The following FBXL16 variants were observed in gnomAD, a reference collection of about 807,000 sequenced individuals.
The protein encoded by FBXL16 is F-box/LRR-repeat protein 16.
A neutral mutation model predicts 36.7 loss-of-function variants in FBXL16; 7 were observed. The ratio of observed to expected loss-of-function variants is 0.19; its 90% CI spans 0.11 to 0.36. FBXL16 has a LOEUF of 0.36. Among genes scored for constraint, FBXL16 ranks in the 10% least tolerant of loss-of-function variants. FBXL16 has a pLI of 1.00. For missense variants in FBXL16, 463 were observed against 659.4 expected, an observed-to-expected ratio of 0.70 and a Z score of 3.26; for synonymous variants, 355 against 308.7, an observed-to-expected ratio of 1.15 and a Z score of -1.57.
chr16:694,445 G>C, intron 5 of FBXL16, 22 bp from the exon 6 acceptor site: 1 of 1,532,796 alleles, frequency 6.5e-7, no homozygotes, highest in South Asian at 1.2e-5. Flanking sequence ...TCAGAGGGCG[G>C]CTCAGTGCGC....
At chr16:704,562 C>T (rs1248099513) in intron 1 of FBXL16, among the ~76,000 whole-genome samples, 1 of 152,240 alleles carries the variant, frequency 6.6e-6, no homozygotes, top group African/African-American at 2.4e-5. Context: ...AGACAGAAAA[C>T]CCTTCAGTCT....
rs1163669525 is a variant in FBXL16, at chr16:694,223, G to GC, written c.*51dup. The stretch of plus-strand genomic sequence containing the variant: ...AAGAGGGGGCTCGGCGGCGCCCCGC[G>GC]CCCCCGCCCAGGTCATGGCCGGGTT... On this transcript the variant is annotated 3_prime_UTR_variant, in exon 6 of 6. Transcript: ENST00000397621. 2 of 1,225,182 alleles carry GC rather than the reference G, an allele frequency of 1.6e-6. No homozygotes were observed. The highest frequency in any genetic ancestry group is 1.6e-5 in the African/African-American group (1 of 63,362). 75.9% of individuals were successfully genotyped at this position (1,225,182 alleles called of 1,614,324 possible).
intron 2 of FBXL16, 30 bp from the exon 3 acceptor site, chr16:695,953 T>G (rs754535777): frequency 8.4e-6 from 13 of 1,553,882 alleles, no homozygotes; most frequent in Non-Finnish European, 1.1e-5. Flanking sequence ...GGGTCAGGAT[T>G]GCAGGAGAAG....
At chr16:694,896 C>A (rs1024406248) in intron 4 of FBXL16, 96 bp downstream of exon 4, 91 of 1,367,116 alleles carry the variant, frequency 6.7e-5, no homozygotes, top group Non-Finnish European at 8.1e-5. Context: ...TAGGGAGGGG[C>A]CCCAGACTCT....
intron 1 of FBXL16, among the ~76,000 whole-genome samples, chr16:700,738 G>A (rs2040049566): frequency 6.6e-6 from 1 of 152,072 alleles, no homozygotes; most frequent in South Asian, 2.1e-4. Context: ...TCCCCGCCAG[G>A]GACGCCTGGG....
rs1234875798 is a variant in FBXL16 at position 694,206 on chromosome 16, G to C, written c.*69C>G. 3.5e-6 allele frequency: 4 copies of C among 1,138,592 alleles called. No individual in the cohort carries two copies. The Admixed American group carries it at 1.8e-4, about 50-fold the overall frequency. The allele number at this position is 1,138,592 out of a possible 1,614,324, so 70.5% of individuals were successfully genotyped here. On this transcript the variant is annotated 3_prime_UTR_variant, in exon 6 of 6. Transcript: ENST00000397621. ...CCCGAGCGCAAGGCGGGAAGAGGGG[G>C]CTCGGCGGCGCCCCGCGCCCCCGCC...
chr16:697,040 C>G lies in FBXL16; in HGVS notation c.366G>C (p.Lys122Asn). 1 of 1,599,376 alleles carries G rather than the reference C, an allele frequency of 6.3e-7. No individual in the cohort carries two copies. The highest frequency in any genetic ancestry group is 8.5e-7 in the Non-Finnish European group (1 of 1,172,836). ...CEKCVLAQVCKAWRRVLYQPK... is the reference protein window; with the variant it reads ...CEKCVLAQVCNAWRRVLYQPK... ...GCTGGTACAGCACGCGCCGCCAGGC[C>G]TTGCACACCTGGGCCAGCACACACT... Residue 122 changes from lysine to asparagine, a missense_variant, in exon 2 of 6, where the codon AAG (lysine) becomes AAC (asparagine). This residue lies in a region of FBXL16 where 263 missense variants were observed against 341.1 expected (regional missense o/e 0.77). Transcript: ENST00000397621. This position sits in a 1 kb window ranked among gnomAD's most constrained non-coding sequence, Gnocchi z 4.6.
At chr16:704,314 C>T (rs4984687) in intron 1 of FBXL16, among the ~76,000 whole-genome samples, 35,047 of 152,118 alleles carry the variant, frequency 0.23, 4,764 homozygotes, top group East Asian at 0.62. Context: ...TGGGTGTGAG[C>T]TGGAGGCAGT....
intron 2 of FBXL16, 66 bp from the exon 3 acceptor site, chr16:695,989 G>C: frequency 6.6e-7 from 1 of 1,514,222 alleles, no homozygotes; most frequent in Non-Finnish European, 8.8e-7. Context: ...GGAGGAAGCA[G>C]TAGGGTGTAA....
Position 694,230 on chromosome 16 carries a change from C to T in FBXL16, c.*45G>A. 7.9e-7 allele frequency: 1 copy of T among 1,258,706 alleles called. No individual in the cohort carries two copies. The highest frequency in any genetic ancestry group is 1.0e-6 in the Non-Finnish European group (1 of 994,404). 78.0% of individuals were successfully genotyped at this position (1,258,706 alleles called of 1,614,324 possible). ...GGCTCGGCGGCGCCCCGCGCCCCCG[C>T]CCAGGTCATGGCCGGGTTCCCGCGA... On this transcript the variant is annotated 3_prime_UTR_variant, in exon 6 of 6. Transcript: ENST00000397621.
chr16:704,304 T>C (rs145664608), intron 1 of FBXL16, among the ~76,000 whole-genome samples: 1 of 151,892 alleles, frequency 6.6e-6, no homozygotes, highest in African/African-American at 2.4e-5. Context: ...GCCCCGGAAG[T>C]GGGTGTGAGC....
At position 696,117 on chromosome 16, in the gene FBXL16, A is replaced by G. The variant is rs2040009334; in HGVS notation, c.634-194T>C. ...TGGGGGCGTTGGCACCAGCGTTACA[A>G]TTAGACTCCAGACCCGGCTGCCAGG... is the stretch of plus-strand genomic sequence containing the variant. On this transcript the variant is annotated intron_variant, in intron 2 of 5. Transcript: ENST00000397621. The G allele has an allele frequency of 1.2e-5, 9 of 745,844 alleles. No homozygotes were observed. In the South Asian group the frequency reaches 2.1e-4, roughly 17 times the overall value. 46.2% of individuals were successfully genotyped at this position (745,844 alleles called of 1,614,324 possible). A position where few individuals can be genotyped will look rare whatever the true frequency, so the allele number is the denominator to read the frequency against.
rs777892193 is a variant in FBXL16 at position 697,093 on chromosome 16, G to C, written c.313C>G (p.Leu105Val). ...LATDEKILNG[L>V]FWYFSACEKC... ...TCGCAGGCCGAGAAATACCAGAAGAGCCCATTGAGGATCTTCTCGTCCGTG... is the reference window on the plus strand; with the variant it reads ...TCGCAGGCCGAGAAATACCAGAAGACCCCATTGAGGATCTTCTCGTCCGTG... The change falls in exon 2 of 6, where the codon CTC (leucine) becomes GTC (valine). Residue 105 changes from leucine (L) to valine (V), a missense_variant. Leu to Val is a conservative substitution (Grantham distance 32). This residue lies in a region of FBXL16 where 263 missense variants were observed against 341.1 expected (regional missense o/e 0.77). Coordinates refer to ENST00000397621, the MANE Select transcript of FBXL16 (RefSeq NM_153350.4). The surrounding 1 kb of genome is among the most constrained non-coding windows in gnomAD (Gnocchi z 4.6). 6.8e-6 allele frequency: 11 copies of C among 1,608,016 alleles called. No homozygotes were observed. Among genetic ancestry groups the C allele is most frequent in the Non-Finnish European group, 9.3e-6 (11 of 1,177,508 alleles).
chr16:696,049 G>A lies in FBXL16; in HGVS notation c.634-126C>T, dbSNP rs1006006574. On this transcript the variant is annotated intron_variant, in intron 2 of 5. Transcript: ENST00000397621. ...AACATTTGGCAGTGTGTGAGGAGGC[G>A]GGGCATCGGGACGAGAGCCCAGGGC... 9 of 1,364,164 alleles carry A rather than the reference G, an allele frequency of 6.6e-6. No individual in the cohort carries two copies. In the African/African-American group the frequency reaches 1.2e-4, roughly 18 times the overall value. 84.5% of individuals were successfully genotyped at this position (1,364,164 alleles called of 1,614,324 possible). A position where few individuals can be genotyped will look rare whatever the true frequency, so the allele number is the denominator to read the frequency against.
rs1014920808 is a variant in FBXL16, at chr16:705,668, G to T, written c.-171C>A. ...GCGCCCCGCGTCCCGTCCTGGCCGG[G>T]CCCCCTCGGCAGCGCACGGAAAGGA... On this transcript the variant is annotated 5_prime_UTR_variant, in exon 1 of 6. Coordinates refer to ENST00000397621, the MANE Select transcript of FBXL16 (RefSeq NM_153350.4). The T allele has an allele frequency of 6.7e-6, 1 of 148,686 alleles. No homozygotes were observed. The highest frequency in any genetic ancestry group is 2.4e-5 in the African/African-American group (1 of 41,028). 9.2% of individuals were successfully genotyped at this position (148,686 alleles called of 1,614,324 possible).
intron 1 of FBXL16, among the ~76,000 whole-genome samples, chr16:703,290 G>A (rs2040069674): frequency 6.6e-6 from 1 of 152,148 alleles, no homozygotes; most frequent in Non-Finnish European, 1.5e-5. Context: ...ACATCCTTTT[G>A]GACACATGCC....
chr16:698,913 C>CAAAAAAAAA (rs767619638), intron 1 of FBXL16, among the ~76,000 whole-genome samples: 5 of 89,680 alleles, frequency 5.6e-5, no homozygotes, highest in South Asian at 3.0e-4. Context: ...GACTTTGTCT[C>CAAAAAAAAA]AAAAAAAAAA....
chr16:694,439 A>G lies in FBXL16; in HGVS notation c.1292-16T>C. 6.5e-7 allele frequency: 1 copy of G among 1,531,726 alleles called. No individual in the cohort carries two copies. The highest frequency in any genetic ancestry group is 8.7e-7 in the Non-Finnish European group (1 of 1,147,272). The allele number at this position is 1,531,726 out of a possible 1,614,324, so 94.9% of individuals were successfully genotyped here. ...AGCGGGCAGCCTGCGGCGGGGTCAG[A>G]GGGCGGCTCAGTGCGCGCGGCCCAG... On this transcript the variant is annotated splice_polypyrimidine_tract_variant and intron_variant, in intron 5 of 5. Transcript: ENST00000397621.
rs1353607886 is a variant in FBXL16 at position 697,857 on chromosome 16, G to A, written c.-14-438C>T. 6.6e-6 allele frequency among the ~76,000 whole-genome samples: 1 copy of A among 151,964 alleles called. No homozygotes were observed. The highest frequency in any genetic ancestry group is 1.5e-5 in the Non-Finnish European group (1 of 67,996). ...CTTCTAAAAATACAAAAAATTAGCT[G>A]GGCATGGTGGCAGGCGCCTGTAGTA... is the stretch of plus-strand genomic sequence containing the variant. On this transcript the variant is annotated intron_variant, in intron 1 of 5. Transcript: ENST00000397621. The surrounding 1 kb of genome is among the most constrained non-coding windows in gnomAD (Gnocchi z 4.6).
Sources: allele counts gnomAD v4.1 joint callset (sites outside exome capture counted in the v4.1 genomes callset), GRCh38; gene constraint gnomAD v4.1.1; regional missense constraint gnomAD v4.1.1; non-coding constraint Gnocchi (gnomAD v3.1); transcripts MANE v1.5; gene names NCBI Gene and HGNC (gene_info 2026-07-23, HGNC 2026-07-21).